Variants in XPO5 observed in about 807,000 individuals in gnomAD.
XPO5 encodes exportin 5, also known as exportin-5.
In XPO5, 46 loss-of-function variants were observed where a neutral mutation model predicts 160.6. The ratio of observed to expected loss-of-function variants is 0.29; its 90% CI spans 0.23 to 0.37. XPO5 has a LOEUF of 0.37. Ranked by LOEUF, XPO5 falls within the 10% of genes least tolerant of loss-of-function variation. XPO5 has a pLI of 1.00. For missense variants in XPO5, 1,090 were observed against 1,463.9 expected, an observed-to-expected ratio of 0.74 and a Z score of 4.17; for synonymous variants, 537 against 519.3, an observed-to-expected ratio of 1.03 and a Z score of -0.46.
At chr6:43,575,692 C>A in intron 1 of XPO5, 68 bp downstream of exon 1, 1 of 1,425,520 alleles carries the variant, frequency 7.0e-7, no homozygotes, top group Non-Finnish European at 9.7e-7. Flanking sequence ...CAGTTACAGG[C>A]GGCGCCGGAG....
chr6:43,539,035 G>A, intron 20 of XPO5: 2 of 1,545,994 alleles, frequency 1.3e-6, no homozygotes, highest in South Asian at 1.1e-5. Context: ...GGGCTGAGGT[G>A]TAGCAGTCAT....
intron 8 of XPO5, among the ~76,000 whole-genome samples, chr6:43,562,867 A>C (rs1475214205): frequency 6.6e-6 from 1 of 152,206 alleles, no homozygotes; most frequent in African/African-American, 2.4e-5. Flanking sequence ...CTACCCAAAA[A>C]ACGTTATTCA....
Position 43,570,629 on chromosome 6 carries a change from A to G in XPO5, c.494T>C (p.Val165Ala). The G allele has an allele frequency of 6.2e-7, 1 of 1,613,824 alleles. No homozygotes were observed. Among genetic ancestry groups the G allele is most frequent in the Non-Finnish European group, 8.5e-7 (1 of 1,179,810 alleles). The change falls in exon 5 of 32, where the codon GTG becomes GCG. Residue 165 changes from valine (V) to alanine (A), a missense_variant. By Grantham distance (64) the Val-to-Ala change is moderately conservative. Transcript: ENST00000265351. The part of the protein sequence containing the change: ...FILLRLAEDV[V>A]TFQTLPPQRR... ...TTGAGGGGGAAGTGTCTGAAAAGTC[A>G]CTACATCCTCTGCCAGTCGCAAAAG...
intron 19 of XPO5, 93 bp downstream of exon 19, chr6:43,547,515 T>G: frequency 8.6e-7 from 1 of 1,165,846 alleles, no homozygotes; most frequent in Admixed American, 1.9e-5. Flanking sequence ...CTCACCAGTA[T>G]AGAAAAAACA....
chr6:43,568,269 T>A (rs1457428587), intron 6 of XPO5, among the ~76,000 whole-genome samples: 1 of 151,950 alleles, frequency 6.6e-6, no homozygotes, highest in Non-Finnish European at 1.5e-5. Flanking sequence ...ATCGCGCCAC[T>A]GCACTCCAGC....
chr6:43,568,084 G>A (rs759774080), intron 6 of XPO5, among the ~76,000 whole-genome samples: 14 of 151,768 alleles, frequency 9.2e-5, no homozygotes, highest in Non-Finnish European at 1.5e-4. Context: ...TGAGGAGGGC[G>A]GATGATGAGG....
rs1167696267 is a variant in XPO5, at chr6:43,523,377, AGT to A, written c.*489_*490del. 2.4e-5 allele frequency: 7 copies of A among 297,218 alleles called. No individual in the cohort carries two copies. Among genetic ancestry groups the A allele is most frequent in the Admixed American group, 4.7e-5 (1 of 21,170 alleles). 18.4% of individuals were successfully genotyped at this position (297,218 alleles called of 1,614,324 possible). ...CCTAACCCAGACATGCCCCTTAGGG[AGT>A]GGGGAAAGTTTCCTGCCAGCCCAGC... On this transcript the variant is annotated 3_prime_UTR_variant, in exon 32 of 32. Transcript: ENST00000265351.
chr6:43,570,404 C>T (rs1650355520), intron 5 of XPO5, 98 bp downstream of exon 5: 2 of 994,318 alleles, frequency 2.0e-6, no homozygotes, highest in South Asian at 3.5e-5. Flanking sequence ...AATAGGATTT[C>T]ATTTTGCTGA....
At chr6:43,568,807 C>T (rs967134175) in intron 5 of XPO5, 70 bp from the exon 6 acceptor site, 234 of 1,307,882 alleles carry the variant, frequency 1.8e-4, no homozygotes, top group Non-Finnish European at 2.4e-4. Context: ...CTACCCCCCA[C>T]AAATCAATGC....
At chr6:43,546,207 T>C (rs1238594756) in intron 20 of XPO5, among the ~76,000 whole-genome samples, 1 of 152,184 alleles carries the variant, frequency 6.6e-6, no homozygotes, top group African/African-American at 2.4e-5. Context: ...ACAAGCATCA[T>C]TATAGAAGGC....
chr6:43,573,708 C>T (rs1763125456), intron 1 of XPO5, 107 bp from the exon 2 acceptor site: 1 of 1,357,208 alleles, frequency 7.4e-7, no homozygotes, highest in Non-Finnish European at 9.8e-7. Flanking sequence ...TGGCTCACAC[C>T]TGTCCCAGCA....
chr6:43,565,133 G>C (rs1762632403), intron 8 of XPO5, among the ~76,000 whole-genome samples: 1 of 152,094 alleles, frequency 6.6e-6, no homozygotes, highest in Non-Finnish European at 1.5e-5. Flanking sequence ...TGTTGGCCAG[G>C]CTGGTCTCAA....
At chr6:43,551,510 T>C in intron 14 of XPO5, 57 bp from the exon 15 acceptor site, 1 of 1,589,296 alleles carries the variant, frequency 6.3e-7, no homozygotes, top group East Asian at 2.2e-5. Flanking sequence ...GAAATAACCA[T>C]TTTGGCTACA....
chr6:43,561,124 C>CAAAGTCCT, intron 9 of XPO5, 117 bp from the exon 10 acceptor site: 1 of 827,784 alleles, frequency 1.2e-6, no homozygotes, highest in Non-Finnish European at 2.0e-6. Context: ...TTCAAAAGGA[C>CAAAGTCCT]TTTGTATTTC....
intron 17 of XPO5, among the ~76,000 whole-genome samples, chr6:43,548,740 AT>A (rs1795087073): frequency 6.6e-6 from 1 of 150,768 alleles, no homozygotes; most frequent in Non-Finnish European, 1.5e-5. Context: ...ATAGATATAT[AT>A]GTATATCTAT....
intron 21 of XPO5, among the ~76,000 whole-genome samples, chr6:43,531,849 A>G (rs2127708700): frequency 6.6e-6 from 1 of 152,286 alleles, no homozygotes; most frequent in South Asian, 2.1e-4. Flanking sequence ...ACAACTCAAA[A>G]GTATTTTTCC....
chr6:43,522,844 CTCTT>C lies in XPO5; in HGVS notation c.*1020_*1023del. 1 of 293,872 alleles carries C rather than the reference CTCTT, an allele frequency of 3.4e-6. No homozygotes were observed. Among genetic ancestry groups the C allele is most frequent in the Non-Finnish European group, 7.9e-6 (1 of 127,192 alleles). 18.2% of individuals were successfully genotyped at this position (293,872 alleles called of 1,614,324 possible). A position where few individuals can be genotyped will look rare whatever the true frequency, so the allele number is the denominator to read the frequency against. ...GGGCCAGGTCCCGTATCCATGTCCT[CTCTT>C]TACAGGGCCTTTCAGTGACCTCTAG... On this transcript the variant is annotated 3_prime_UTR_variant, in exon 32 of 32. Transcript: ENST00000265351.
chr6:43,526,880 C>A (rs1033015441), intron 26 of XPO5, 133 bp from the exon 27 acceptor site: 3 of 833,162 alleles, frequency 3.6e-6, no homozygotes, highest in Non-Finnish European at 5.9e-6. Flanking sequence ...GTCCAAGGCA[C>A]AAGAATTAGC....
At chr6:43,560,822 G>A in intron 10 of XPO5, 102 bp downstream of exon 10, 1 of 983,252 alleles carries the variant, frequency 1.0e-6, no homozygotes. Flanking sequence ...AAGGCCTGAA[G>A]AGTCACATTT....
Sources: allele counts gnomAD v4.1 joint callset (sites outside exome capture counted in the v4.1 genomes callset), GRCh38; gene constraint gnomAD v4.1.1; transcripts MANE v1.5; gene names NCBI Gene and HGNC (gene_info 2026-07-23, HGNC 2026-07-21).